The following CENPP variants were observed in gnomAD, a reference collection of about 807,000 sequenced individuals.
The protein encoded by CENPP is centromere protein P.
In CENPP, 24 loss-of-function variants were observed where a neutral mutation model predicts 35.6. The observed-to-expected ratio is 0.67, with a 90% CI of 0.49 to 0.95. The LOEUF (loss-of-function observed/expected upper bound fraction) is 0.95, where lower values mean the gene tolerates loss of function less well. Among genes scored for constraint, CENPP ranks in the 40% least tolerant of loss-of-function variants. CENPP has a pLI of 0.00. For synonymous variants in CENPP, 120 were observed against 125.5 expected (o/e 0.96, Z 0.29); for missense variants, 332 against 345.3 (o/e 0.96, Z 0.31).
At chr9:92,506,924 T>C (rs886311899) in intron 5 of CENPP, among the ~76,000 whole-genome samples, 1 of 152,086 alleles carries the variant, frequency 6.6e-6, no homozygotes, top group African/African-American at 2.4e-5. Flanking sequence ...TTATTTTATT[T>C]AGAGACAGAG....
chr9:92,520,667 C>A (rs1396089798), intron 5 of CENPP, among the ~76,000 whole-genome samples: 1 of 152,130 alleles, frequency 6.6e-6, no homozygotes, highest in Non-Finnish European at 1.5e-5. Flanking sequence ...ATGTTCATAG[C>A]TGTGTTATTC....
In CENPP at chr9:92,332,928, A is replaced by G. The variant is rs375925270; in HGVS notation, c.289+577A>G. ...ATGGAAAAGAACAGACACAGTTTTTATCATTAAGTACCTTAATAGTCAAGT... is the reference window on the plus strand; with the variant it reads ...ATGGAAAAGAACAGACACAGTTTTTGTCATTAAGTACCTTAATAGTCAAGT... On this transcript the variant is annotated intron_variant, in intron 2 of 7. Transcript: ENST00000375587. 1.1e-3 allele frequency among the ~76,000 whole-genome samples: 160 copies of G among 150,778 alleles called. 1 individual carries two copies. Among genetic ancestry groups the G allele is most frequent in the Admixed American group, 9.9e-4 (15 of 15,140 alleles).
chr9:92,502,152 T>C (rs915517632), intron 5 of CENPP, among the ~76,000 whole-genome samples: 1 of 152,146 alleles, frequency 6.6e-6, no homozygotes, highest in Non-Finnish European at 1.5e-5. Flanking sequence ...ACCTGTGAGG[T>C]AGACAGAGCT....
At chr9:92,494,427 A>G (rs996485343) in intron 5 of CENPP, among the ~76,000 whole-genome samples, 2 of 152,198 alleles carry the variant, frequency 1.3e-5, no homozygotes, top group Admixed American at 1.3e-4. Flanking sequence ...AAAATTAGTA[A>G]TGCACCTTCA....
At chr9:92,449,432 A>G (rs1015054660) in intron 5 of CENPP, among the ~76,000 whole-genome samples, 1 of 96,496 alleles carries the variant, frequency 1.0e-5, no homozygotes, top group Non-Finnish European at 1.9e-5. Context: ...GCGAGACTCT[A>G]TCTCCAAAAA....
chr9:92,388,308 C>CCCA (rs969774165), intron 5 of CENPP, among the ~76,000 whole-genome samples: 10 of 151,546 alleles, frequency 6.6e-5, no homozygotes, highest in African/African-American at 2.2e-4. Flanking sequence ...ACTACAGGCG[C>CCCA]CCACCACCAC....
At chr9:92,573,153 T>TC (rs1850187496) in intron 5 of CENPP, among the ~76,000 whole-genome samples, 1 of 152,260 alleles carries the variant, frequency 6.6e-6, no homozygotes, top group African/African-American at 2.4e-5. Context: ...GGAGCTGCGT[T>TC]CCTTTGGAGG....
intron 5 of CENPP, among the ~76,000 whole-genome samples, chr9:92,599,264 T>A (rs919362972): frequency 1.3e-5 from 2 of 151,512 alleles, no homozygotes; most frequent in Non-Finnish European, 2.9e-5. Flanking sequence ...ACAAAAAGGG[T>A]GAAAAGAAAA....
intron 5 of CENPP, among the ~76,000 whole-genome samples, chr9:92,554,042 G>T (rs566069566): frequency 6.6e-6 from 1 of 152,168 alleles, no homozygotes; most frequent in Non-Finnish European, 1.5e-5. Flanking sequence ...TTGGCTGTGG[G>T]TTTGTCGTAG....
At chr9:92,417,387 A>T (rs367622397) in intron 5 of CENPP, 2 of 1,614,114 alleles carry the variant, frequency 1.2e-6, no homozygotes, top group Non-Finnish European at 1.7e-6. Context: ...CCTAAAGTAT[A>T]CTGATGAAAA....
At chr9:92,611,459 A>G in intron 6 of CENPP, 66 bp downstream of exon 6, 1 of 1,275,502 alleles carries the variant, frequency 7.8e-7, no homozygotes, top group South Asian at 1.3e-5. Context: ...GTAGGAGACC[A>G]CCTAAGTAGG....
intron 5 of CENPP, among the ~76,000 whole-genome samples, chr9:92,388,969 T>C (rs1294981579): frequency 6.6e-6 from 1 of 152,146 alleles, no homozygotes; most frequent in Non-Finnish European, 1.5e-5. Flanking sequence ...TAAAGATACC[T>C]TAATTGTAAT....
chr9:92,431,344 G>A (rs1255000186), intron 5 of CENPP, among the ~76,000 whole-genome samples: 1 of 152,094 alleles, frequency 6.6e-6, no homozygotes, highest in Non-Finnish European at 1.5e-5. Context: ...TGCACTGTTG[G>A]CATTTGATGT....
At chr9:92,454,781 C>G (rs1403327561) in intron 5 of CENPP, among the ~76,000 whole-genome samples, 1 of 152,068 alleles carries the variant, frequency 6.6e-6, no homozygotes, top group African/African-American at 2.4e-5. Flanking sequence ...GGTAACTTGC[C>G]CAAGACTATA....
intron 5 of CENPP, among the ~76,000 whole-genome samples, chr9:92,387,513 T>C (rs1289908976): frequency 6.6e-6 from 1 of 152,224 alleles, no homozygotes; most frequent in Non-Finnish European, 1.5e-5. Flanking sequence ...TTATTGTGTA[T>C]AATTGTAATT....
intron 5 of CENPP, among the ~76,000 whole-genome samples, chr9:92,405,589 T>G (rs1843283567): frequency 6.6e-6 from 1 of 152,186 alleles, no homozygotes; most frequent in Non-Finnish European, 1.5e-5. Flanking sequence ...GCTTCAAGGA[T>G]ACAGTAAAAC....
chr9:92,566,311 AC>A lies in CENPP; in HGVS notation c.565-45002del, dbSNP rs1193592035. Among the ~76,000 whole-genome samples, 238 of 151,902 alleles carry A rather than the reference AC, an allele frequency of 1.6e-3. 1 individual carries two copies. Among genetic ancestry groups the A allele is most frequent in the African/African-American group, 5.4e-3 (224 of 41,436 alleles). ...TGAGTCTCCATCTCAAAAAAAAAAA[AC>A]AAAAACACAAAAAGACATACAAAGT... On this transcript the variant is annotated intron_variant, in intron 5 of 7. Transcript: ENST00000375587.
At position 92,612,942 on chromosome 9, in the gene CENPP, G is replaced by A. The variant is rs1442203506; in HGVS notation, c.737-77G>A. ...GGGAGGAGTGCGGGGTCTTGGTGAG[G>A]TCCATGCCAGCAGAAAACAAAAGAC... On this transcript the variant is annotated intron_variant, in intron 7 of 7. Coordinates refer to ENST00000375587, the MANE Select transcript of CENPP (RefSeq NM_001012267.3). The A allele has an allele frequency of 1.9e-6, 3 of 1,566,674 alleles. No individual in the cohort carries two copies. In the African/African-American group the frequency reaches 4.1e-5, roughly 21 times the overall value.
chr9:92,375,147 A>G (rs999992133), intron 4 of CENPP, among the ~76,000 whole-genome samples: 5 of 151,176 alleles, frequency 3.3e-5, no homozygotes, highest in Non-Finnish European at 7.4e-5. Context: ...TTTTTTTTCA[A>G]CTTTCCTTCT....
Sources: gnomAD v4.1 joint callset for allele counts (sites outside exome capture counted in the v4.1 genomes callset) on GRCh38, gnomAD v4.1.1 for gene constraint, MANE v1.5 for transcripts, NCBI Gene and HGNC (gene_info 2026-07-23, HGNC 2026-07-21) for gene names.